Variants in MYPN observed in about 807,000 individuals in gnomAD.
The protein encoded by MYPN is myopalladin, also known as sarcomeric protein myopalladin, 145 kDa (MYOP).
A neutral mutation model predicts 129.4 loss-of-function variants in MYPN; 63 were observed. The ratio of observed to expected loss-of-function variants is 0.49; its 90% CI spans 0.40 to 0.60. The LOEUF is 0.60. MYPN is among the 20% of genes least tolerant of loss of function. The pLI, the probability that MYPN is intolerant of heterozygous loss-of-function variation, is 0.00. For missense variants in MYPN, 1,596 were observed against 1,635.4 expected (o/e 0.98, Z 0.42); for synonymous variants, 629 against 600.9 (o/e 1.05, Z -0.68).
chr10:68,160,456 C>CAG lies in MYPN; in HGVS notation c.1460-1263_1460-1262dup, dbSNP rs796660477. On this transcript the variant is annotated intron_variant, in intron 7 of 19. Transcript: ENST00000358913. ...AAAAAAAAAAAAAAAAAAAAAAAAA[C>CAG]AGAGAGAGAGAAAAAAAAACTTCAA... Among the ~76,000 whole-genome samples, 128 of 93,278 alleles carry CAG rather than the reference C, an allele frequency of 1.4e-3. 1 individual carries two copies. The highest frequency in any genetic ancestry group is 4.9e-3 in the African/African-American group (116 of 23,784). 61.2% of individuals were successfully genotyped at this position (93,278 alleles called of 152,430 possible). A position where few individuals can be genotyped will look rare whatever the true frequency, so the allele number is the denominator to read the frequency against.
At position 68,145,041 on chromosome 10, in the gene MYPN, T is replaced by C. The variant is rs77831702; in HGVS notation, c.1079-434T>C. Among the ~76,000 whole-genome samples the C allele has an allele frequency of 9.3e-5, 14 of 151,304 alleles. No homozygotes were observed. The South Asian group carries it at 2.7e-3, about 29-fold the overall frequency. On this transcript the variant is annotated intron_variant, in intron 3 of 19. Transcript: ENST00000358913. ...TGAGTTCATTTCTTTTTTTTTTTTT[T>C]GAGACGGAGTTTTGCTTTTGTTGCC...
intron 6 of MYPN, among the ~76,000 whole-genome samples, chr10:68,154,123 T>C (rs1021403018): frequency 6.6e-6 from 1 of 152,248 alleles, no homozygotes; most frequent in African/African-American, 2.4e-5. Flanking sequence ...GTGATACCTA[T>C]GTTTTTAGAT....
At chr10:68,142,595 C>T (rs1475167698) in intron 2 of MYPN, among the ~76,000 whole-genome samples, 3 of 152,310 alleles carry the variant, frequency 2.0e-5, no homozygotes, top group Middle Eastern at 3.4e-3. Context: ...GCGAATGTAG[C>T]ACTTAATGCA....
chr10:68,202,056 A>T, intron 18 of MYPN, 62 bp downstream of exon 18: 1 of 1,578,324 alleles, frequency 6.3e-7, no homozygotes, highest in Non-Finnish European at 8.7e-7. Context: ...GCGCCACCCA[A>T]ATAAGTCTGC....
At position 68,165,853 on chromosome 10, in the gene MYPN, A is replaced by G. The variant is rs2043045270; in HGVS notation, c.1600+35A>G. On this transcript the variant is annotated intron_variant, in intron 9 of 19. Coordinates refer to ENST00000358913, the MANE Select transcript of MYPN (RefSeq NM_032578.4). ...CTTTAATGCTAGAACAGTTTAGCCT[A>G]TGACTTTGAGTGTGAATATGCAGAT... The G allele has an allele frequency of 5.2e-6, 8 of 1,534,554 alleles. No individual in the cohort carries two copies. The East Asian group carries it at 1.6e-4, about 30-fold the overall frequency.
chr10:68,147,977 C>T (rs914060500), intron 4 of MYPN, among the ~76,000 whole-genome samples: 2 of 152,100 alleles, frequency 1.3e-5, no homozygotes, highest in Admixed American at 6.5e-5. Context: ...AAAGCCTGGC[C>T]TCTTACTTGA....
intron 10 of MYPN, among the ~76,000 whole-genome samples, chr10:68,171,801 C>A (rs2043149066): frequency 6.6e-6 from 1 of 152,178 alleles, no homozygotes; most frequent in African/African-American, 2.4e-5. Flanking sequence ...TGATTTTTAG[C>A]ATTTGCACCA....
rs1464264584 is a variant in MYPN, at chr10:68,158,599, T to C, written c.1431T>C (p.Asp477=). ...EWYREGTLIE[D]SPDFRILQKK... is the part of the protein sequence containing the mutation. Reference sequence around the variant, plus strand: ...ATAGAGAAGGGACTTTAATAGAAGATTCTCCAGATTTTAGGATTTTACAGA... The same window carrying C: ...ATAGAGAAGGGACTTTAATAGAAGACTCTCCAGATTTTAGGATTTTACAGA... Residue 477 remains aspartate, a synonymous_variant, in exon 7 of 20, where the codon GAT becomes GAC. Transcript: ENST00000358913. 1.3e-5 allele frequency: 21 copies of C among 1,600,008 alleles called. No homozygotes were observed. The highest frequency in any genetic ancestry group is 1.8e-5 in the Non-Finnish European group (21 of 1,167,540).
intron 6 of MYPN, among the ~76,000 whole-genome samples, chr10:68,152,971 T>A (rs2042801567): frequency 7.3e-6 from 1 of 137,894 alleles, no homozygotes; most frequent in South Asian, 2.4e-4. Flanking sequence ...TATTTTATTT[T>A]ATTTTATTTA....
At chr10:68,159,905 A>G (rs1016713964) in intron 7 of MYPN, among the ~76,000 whole-genome samples, 6 of 152,212 alleles carry the variant, frequency 3.9e-5, no homozygotes, top group South Asian at 2.1e-4. Flanking sequence ...TTTGAAATAT[A>G]TATACATTGT....
intron 2 of MYPN, among the ~76,000 whole-genome samples, chr10:68,138,676 T>C (rs2042526027): frequency 1.3e-5 from 2 of 152,230 alleles, no homozygotes; most frequent in African/African-American, 4.8e-5. Flanking sequence ...CTGCTATTGC[T>C]TGGTTTGCTG....
At chr10:68,125,869 C>T (rs147441894) in intron 2 of MYPN, among the ~76,000 whole-genome samples, 1 of 152,206 alleles carries the variant, frequency 6.6e-6, no homozygotes, top group Non-Finnish European at 1.5e-5. Flanking sequence ...GTTTTGAAAC[C>T]AAATCTAAAC....
chr10:68,109,025 A>C (rs1226711176), upstream of MYPN, among the ~76,000 whole-genome samples: 2 of 152,108 alleles, frequency 1.3e-5, no homozygotes, highest in Non-Finnish European at 2.9e-5. Context: ...CCAGCCAAGG[A>C]ATTTTTAACG....
At chr10:68,192,237 C>T (rs955706807) in intron 13 of MYPN, among the ~76,000 whole-genome samples, 1 of 152,116 alleles carries the variant, frequency 6.6e-6, no homozygotes, top group Non-Finnish European at 1.5e-5. Context: ...AGTGCTTTTT[C>T]AGTGTCTATT....
intron 12 of MYPN, 64 bp from the exon 13 acceptor site, chr10:68,188,841 T>C: frequency 7.1e-7 from 1 of 1,401,816 alleles, no homozygotes; most frequent in South Asian, 1.2e-5. Flanking sequence ...GCTTCCTCAA[T>C]TGTACTGATG....
Position 68,169,389 on chromosome 10 carries a change from C to G in MYPN, c.1973+2723C>G, listed in dbSNP as rs201524986. On this transcript the variant is annotated intron_variant, in intron 10 of 19. Coordinates refer to ENST00000358913, the MANE Select transcript of MYPN (RefSeq NM_032578.4). Reference sequence around the variant, plus strand: ...AAAAAAAAAAAAAAAGAAGTGACTTCTCTCTCTAGGCCCCTTAGAATAGGA... The same window carrying G: ...AAAAAAAAAAAAAAAGAAGTGACTTGTCTCTCTAGGCCCCTTAGAATAGGA... Among the ~76,000 whole-genome samples the G allele has an allele frequency of 1.5e-4, 23 of 150,412 alleles. No individual in the cohort carries two copies. In the East Asian group the frequency reaches 4.5e-3, roughly 29 times the overall value.
intron 12 of MYPN, among the ~76,000 whole-genome samples, chr10:68,182,800 G>A (rs1427005095): frequency 2.6e-5 from 4 of 152,020 alleles, no homozygotes; most frequent in Non-Finnish European, 4.4e-5. Flanking sequence ...GAGCCACCAC[G>A]CCCGGTCTCT....
chr10:68,211,860 A>G lies in MYPN; in HGVS notation c.*1405A>G, dbSNP rs1209045453. The G allele has an allele frequency of 6.6e-6, 3 of 453,166 alleles. No individual in the cohort carries two copies. The highest frequency in any genetic ancestry group is 4.4e-6 in the Non-Finnish European group (1 of 226,196). The allele number at this position is 453,166 out of a possible 1,614,324, so 28.1% of individuals were successfully genotyped here. On this transcript the variant is annotated 3_prime_UTR_variant, in exon 20 of 20. Transcript: ENST00000358913. Reference sequence around the variant, plus strand: ...AATGAATTGCAGGTGTCTGTTTTCAATTCCCTGTGCTGGAATCCCTGGTGC... The same window carrying G: ...AATGAATTGCAGGTGTCTGTTTTCAGTTCCCTGTGCTGGAATCCCTGGTGC...
intron 18 of MYPN, among the ~76,000 whole-genome samples, chr10:68,205,248 C>T (rs748179665): frequency 1.1e-4 from 16 of 152,154 alleles, no homozygotes; most frequent in Non-Finnish European, 1.8e-4. Context: ...CCCAGAATAA[C>T]CTTTTCCCCT....
Sources: allele counts gnomAD v4.1 joint callset (sites outside exome capture counted in the v4.1 genomes callset), GRCh38; gene constraint gnomAD v4.1.1; transcripts MANE v1.5; gene names NCBI Gene and HGNC (gene_info 2026-07-23, HGNC 2026-07-21).